The following ADAM22 variants were observed in gnomAD, a reference collection of about 807,000 sequenced individuals.
ADAM22 encodes ADAM metallopeptidase domain 22, also known as disintegrin and metalloproteinase domain-containing protein 22.
Under a neutral mutation model 144.6 loss-of-function variants are expected in ADAM22, and 65 were observed. That is an observed-to-expected ratio of 0.45 (90% confidence interval 0.37 to 0.55). The LOEUF (loss-of-function observed/expected upper bound fraction) is 0.55, where lower values mean the gene tolerates loss of function less well. Ranked by LOEUF, ADAM22 falls within the 20% of genes least tolerant of loss-of-function variation. ADAM22 has a pLI of 0.00. For missense variants in ADAM22, 974 were observed against 1,184.9 expected (o/e 0.82, Z 2.61); for synonymous variants, 391 against 412.6 (o/e 0.95, Z 0.63).
At chr7:87,993,509 A>G (rs1451479597) in intron 3 of ADAM22, among the ~76,000 whole-genome samples, 1 of 152,204 alleles carries the variant, frequency 6.6e-6, no homozygotes, top group Non-Finnish European at 1.5e-5. Context: ...TCATTTCTTC[A>G]GCTGACTTAC....
intron 3 of ADAM22, among the ~76,000 whole-genome samples, chr7:88,049,896 A>G (rs1380085622): frequency 6.6e-6 from 1 of 152,042 alleles, no homozygotes; most frequent in East Asian, 1.9e-4. Flanking sequence ...TTCATAACAG[A>G]AACTTTGAAA....
chr7:88,169,985 C>A (rs1843910026), intron 25 of ADAM22, among the ~76,000 whole-genome samples: 1 of 152,046 alleles, frequency 6.6e-6, no homozygotes, highest in Admixed American at 6.6e-5. Context: ...CCTAAACGCT[C>A]ATATTACTTA....
rs1281933690 is a variant in ADAM22 at position 88,101,830 on chromosome 7, T to C, written c.391-6346T>C. Reference sequence around the variant, plus strand: ...GTGTAAAGCAGTTGTTCTCAAACTTTAGAATGCAGTAAAATCACCTGAAGG... The same window carrying C: ...GTGTAAAGCAGTTGTTCTCAAACTTCAGAATGCAGTAAAATCACCTGAAGG... On this transcript the variant is annotated intron_variant, in intron 4 of 31. Transcript: ENST00000413139. 2.0e-5 allele frequency among the ~76,000 whole-genome samples: 3 copies of C among 152,206 alleles called. No individual in the cohort carries two copies. In the East Asian group the frequency reaches 5.8e-4, roughly 29 times the overall value.
rs1305418224 is a variant in ADAM22, at chr7:88,197,291, A to G, written c.*800A>G. 1.3e-5 allele frequency: 2 copies of G among 152,186 alleles called. No individual in the cohort carries two copies. Among genetic ancestry groups the G allele is most frequent in the South Asian group, 2.1e-4 (1 of 4,830 alleles). The allele number at this position is 152,186 out of a possible 1,614,324, so 9.4% of individuals were successfully genotyped here. A position where few individuals can be genotyped will look rare whatever the true frequency, so the allele number is the denominator to read the frequency against. The stretch of plus-strand genomic sequence containing the variant: ...GTAAATGTGTCTCTCCATAATTCGT[A>G]TTTGTCCAAAACATGTGATATCCCT... On this transcript the variant is annotated 3_prime_UTR_variant, in exon 32 of 32. Coordinates refer to ENST00000413139, the MANE Select transcript of ADAM22 (RefSeq NM_001324418.2).
At chr7:87,971,049 T>G (rs1301782042) in intron 2 of ADAM22, among the ~76,000 whole-genome samples, 1 of 152,168 alleles carries the variant, frequency 6.6e-6, no homozygotes, top group Non-Finnish European at 1.5e-5. Context: ...GTAATTTCTT[T>G]TCCTTAAGTG....
chr7:88,083,581 TTGTGTTTGTGTGTG>T (rs1817540204), intron 4 of ADAM22, among the ~76,000 whole-genome samples: 1 of 125,270 alleles, frequency 8.0e-6, no homozygotes, highest in Non-Finnish European at 1.6e-5. Context: ...TCTTTTTACT[TTGTGTTTGTGTGTG>T]TGTGTGTGTG....
rs184218940 is a variant in ADAM22, at chr7:88,043,310, C to T, written c.324-32316C>T. Among the ~76,000 whole-genome samples, 187 of 151,742 alleles carry T rather than the reference C, an allele frequency of 1.2e-3. 1 individual carries two copies. Among genetic ancestry groups the T allele is most frequent in the Non-Finnish European group, 1.8e-3 (123 of 67,910 alleles). On this transcript the variant is annotated intron_variant, in intron 3 of 31. Coordinates refer to ENST00000413139, the MANE Select transcript of ADAM22 (RefSeq NM_001324418.2). The stretch of plus-strand genomic sequence containing the variant: ...ACCATCCTGGCTAACACGATGAAAC[C>T]CCGTCTCTACTAAAAATACAAAAAA...
At chr7:88,016,762 T>C (rs1009615658) in intron 3 of ADAM22, among the ~76,000 whole-genome samples, 1 of 152,116 alleles carries the variant, frequency 6.6e-6, no homozygotes, top group Non-Finnish European at 1.5e-5. Context: ...ATAATTGTGG[T>C]TGATAGAGAC....
chr7:87,972,287 T>A (rs1459216075), intron 2 of ADAM22, among the ~76,000 whole-genome samples: 2 of 151,542 alleles, frequency 1.3e-5, no homozygotes, highest in Admixed American at 6.6e-5. Flanking sequence ...TATACACCAA[T>A]AACAGACAAA....
rs929623548 is a variant in ADAM22, at chr7:88,199,535, A to C, written c.*3044A>C. The C allele has an allele frequency of 1.3e-5, 2 of 152,308 alleles. No individual in the cohort carries two copies. The highest frequency in any genetic ancestry group is 6.5e-5 in the Admixed American group (1 of 15,270). 9.4% of individuals were successfully genotyped at this position (152,308 alleles called of 1,614,324 possible). On this transcript the variant is annotated 3_prime_UTR_variant, in exon 32 of 32. Transcript: ENST00000413139. ...CCAGCCACTCTTTATTTAGATGGGA[A>C]GTGGCATGGTCCTCTGAACGCTGCA...
At chr7:88,196,373 T>G in intron 31 of ADAM22, 98 bp from the exon 32 acceptor site, 5 of 1,359,770 alleles carry the variant, frequency 3.7e-6, no homozygotes, top group Non-Finnish European at 3.2e-6. Context: ...CAATCACATA[T>G]ATATGGATGG....
intron 3 of ADAM22, among the ~76,000 whole-genome samples, chr7:87,999,578 T>G (rs1201333312): frequency 6.6e-6 from 1 of 152,220 alleles, no homozygotes; most frequent in Non-Finnish European, 1.5e-5. Context: ...AACACCCAGA[T>G]AGTTGTTTTT....
At chr7:88,069,349 T>C (rs1304540914) in intron 3 of ADAM22, among the ~76,000 whole-genome samples, 1 of 152,144 alleles carries the variant, frequency 6.6e-6, no homozygotes, top group Non-Finnish European at 1.5e-5. Context: ...TCCCAGCCTC[T>C]GGAACTGTGA....
chr7:87,968,803 T>C (rs144526804), intron 2 of ADAM22, among the ~76,000 whole-genome samples: 180 of 152,280 alleles, frequency 1.2e-3, no homozygotes, highest in African/African-American at 4.3e-3. Flanking sequence ...CTGGGTAATT[T>C]TTAAGAAAAG....
intron 22 of ADAM22, among the ~76,000 whole-genome samples, chr7:88,159,176 A>C (rs893032845): frequency 6.6e-6 from 1 of 152,120 alleles, no homozygotes; most frequent in Non-Finnish European, 1.5e-5. Flanking sequence ...ATGCCTGGAC[A>C]TGTGTATACG....
At chr7:88,188,754 G>T (rs1466088552) in intron 30 of ADAM22, among the ~76,000 whole-genome samples, 1 of 152,190 alleles carries the variant, frequency 6.6e-6, no homozygotes, top group African/African-American at 2.4e-5. Context: ...TCCACACCTT[G>T]GCTTGTGCCT....
intron 4 of ADAM22, among the ~76,000 whole-genome samples, chr7:88,102,426 C>G (rs1440705483): frequency 6.6e-6 from 1 of 152,110 alleles, no homozygotes; most frequent in African/African-American, 2.4e-5. Context: ...TACAAGGGTT[C>G]TCAAGCACTG....
intron 2 of ADAM22, among the ~76,000 whole-genome samples, chr7:87,966,841 A>G (rs761864521): frequency 6.7e-6 from 1 of 149,796 alleles, no homozygotes; most frequent in African/African-American, 2.5e-5. Flanking sequence ...TCCCAAAACA[A>G]GGGCAAGAAA....
intron 2 of ADAM22, among the ~76,000 whole-genome samples, chr7:87,938,796 C>T (rs1254469264): frequency 6.6e-5 from 10 of 152,060 alleles, no homozygotes; most frequent in Middle Eastern, 3.4e-3. Context: ...ACTACAGGCG[C>T]GTGCCACCAC....
Sources: gnomAD v4.1 joint callset for allele counts (sites outside exome capture counted in the v4.1 genomes callset) on GRCh38, gnomAD v4.1.1 for gene constraint, MANE v1.5 for transcripts, NCBI Gene and HGNC (gene_info 2026-07-23, HGNC 2026-07-21) for gene names.